Variants in NR1H4 observed in about 807,000 individuals in gnomAD.
NR1H4 encodes the protein nuclear receptor subfamily 1 group H member 4, also known as bile acid receptor.
In NR1H4, 23 loss-of-function variants were observed where a neutral mutation model predicts 58.5. The observed-to-expected ratio is 0.39, with a 90% confidence interval of 0.28 to 0.56. The LOEUF is 0.56. NR1H4 is among the 20% of genes least tolerant of loss of function. NR1H4 has a pLI of 0.58. For synonymous variants in NR1H4, 214 were observed against 198.0 expected (o/e 1.08, Z -0.68); for missense variants, 487 against 576.9 (o/e 0.84, Z 1.60).
intron 3 of NR1H4, among the ~76,000 whole-genome samples, chr12:100,499,599 G>A (rs1196551667): frequency 6.6e-6 from 1 of 152,198 alleles, no homozygotes; most frequent in Non-Finnish European, 1.5e-5. Flanking sequence ...GAAAAGGTGT[G>A]CAATGAGTCA....
intron 8 of NR1H4, among the ~76,000 whole-genome samples, chr12:100,538,786 G>A (rs542049007): frequency 5.9e-5 from 9 of 152,116 alleles, no homozygotes; most frequent in Non-Finnish European, 1.0e-4. Flanking sequence ...GTCACAGATA[G>A]ACATAAGCCT....
intron 8 of NR1H4, among the ~76,000 whole-genome samples, chr12:100,539,743 T>C (rs1037372167): frequency 6.6e-6 from 1 of 152,114 alleles, no homozygotes; most frequent in Non-Finnish European, 1.5e-5. Context: ...TACACTCCAG[T>C]AGAGGTGGCA....
intron 1 of NR1H4, among the ~76,000 whole-genome samples, chr12:100,488,507 C>A (rs984166920): frequency 6.6e-6 from 1 of 152,052 alleles, no homozygotes; most frequent in African/African-American, 2.4e-5. Context: ...ATCTTAAAGT[C>A]ATTAGAAATT....
intron 8 of NR1H4, among the ~76,000 whole-genome samples, chr12:100,539,395 C>T (rs1954886139): frequency 6.6e-6 from 1 of 152,132 alleles, no homozygotes; most frequent in Admixed American, 6.5e-5. Context: ...CTGTGCCAGG[C>T]ACTGTCCAAG....
At chr12:100,513,801 A>AAAGG (rs199813041) in intron 4 of NR1H4, among the ~76,000 whole-genome samples, 3,152 of 115,698 alleles carry the variant, frequency 0.027, 68 homozygotes, top group African/African-American at 0.035. Context: ...TCAAAGACAG[A>AAAGG]AAGGAAGGAA....
intron 4 of NR1H4, among the ~76,000 whole-genome samples, chr12:100,516,960 A>C (rs957268204): frequency 1.3e-5 from 2 of 152,208 alleles, no homozygotes; most frequent in Non-Finnish European, 2.9e-5. Flanking sequence ...GTTTTCATAC[A>C]TGTATAATTG....
intron 3 of NR1H4, chr12:100,505,704 G>T: frequency 1.6e-6 from 1 of 641,686 alleles, no homozygotes. Context: ...CCAAAATAAA[G>T]ATTCCTAAAT....
At chr12:100,535,727 T>C (rs1566464386) in intron 6 of NR1H4, among the ~76,000 whole-genome samples, 1 of 152,202 alleles carries the variant, frequency 6.6e-6, no homozygotes, top group Non-Finnish European at 1.5e-5. Flanking sequence ...AAAAAGTATT[T>C]TATATGAAAG....
intron 9 of NR1H4, among the ~76,000 whole-genome samples, chr12:100,559,729 C>T (rs1374934632): frequency 3.9e-5 from 6 of 152,256 alleles, no homozygotes; most frequent in African/African-American, 1.4e-4. Flanking sequence ...CTCCACGGCG[C>T]CCAGTCCCAT....
intron 1 of NR1H4, among the ~76,000 whole-genome samples, chr12:100,484,659 C>G (rs1376818945): frequency 2.0e-5 from 3 of 152,272 alleles, no homozygotes; most frequent in African/African-American, 7.2e-5. Flanking sequence ...TCCTTCCTTC[C>G]CATCTCTACT....
chr12:100,561,981 T>G lies in NR1H4; in HGVS notation c.1175T>G (p.Ile392Ser), dbSNP rs780638429. ...GAGGAGTATGCTCTGCTTACAGCAATTGTTATCCTGTCTCCAGGTAATTCC... is the reference window on the plus strand; with the variant it reads ...GAGGAGTATGCTCTGCTTACAGCAAGTGTTATCCTGTCTCCAGGTAATTCC... ...TQEEYALLTA[I>S]VILSPDRQYI... The change falls in exon 10 of 11, where the codon ATT becomes AGT. Residue 392 changes from isoleucine to serine, a missense_variant. Transcript: ENST00000392986. 6.6e-7 allele frequency: 1 copy of G among 1,523,746 alleles called. No individual in the cohort carries two copies. Among genetic ancestry groups the G allele is most frequent in the Non-Finnish European group, 9.1e-7 (1 of 1,097,876 alleles). 94.4% of individuals were successfully genotyped at this position (1,523,746 alleles called of 1,614,324 possible). A position where few individuals can be genotyped will look rare whatever the true frequency, so the allele number is the denominator to read the frequency against.
chr12:100,505,630 C>G (rs1296974907), intron 3 of NR1H4: 1 of 701,392 alleles, frequency 1.4e-6, no homozygotes, highest in Admixed American at 2.0e-5. Context: ...GAACTCGTCC[C>G]TAAACTTCCA....
intron 5 of NR1H4, among the ~76,000 whole-genome samples, chr12:100,533,675 C>T (rs1443808414): frequency 1.3e-5 from 2 of 152,158 alleles, no homozygotes; most frequent in Admixed American, 1.3e-4. Context: ...CCAGCTGGAG[C>T]GCTGAGGACA....
At chr12:100,548,053 A>G (rs1955118025) in intron 9 of NR1H4, among the ~76,000 whole-genome samples, 1 of 150,340 alleles carries the variant, frequency 6.7e-6, no homozygotes. Flanking sequence ...AGCACTTTAT[A>G]AACACTTGTT....
chr12:100,479,692 A>AT (rs1368559153), intron 1 of NR1H4, among the ~76,000 whole-genome samples: 2 of 152,202 alleles, frequency 1.3e-5, no homozygotes, highest in Non-Finnish European at 2.9e-5. Context: ...TTAGAAGAAA[A>AT]TCCAAACTCC....
chr12:100,522,266 A>T (rs917874532), intron 4 of NR1H4, among the ~76,000 whole-genome samples: 47 of 152,118 alleles, frequency 3.1e-4, no homozygotes, highest in African/African-American at 1.0e-3. Context: ...TAGATAATCT[A>T]TATCAAGTGA....
chr12:100,561,855 T>C (rs1955482865), intron 9 of NR1H4, 30 bp from the exon 10 acceptor site: 1 of 915,908 alleles, frequency 1.1e-6, no homozygotes, highest in Non-Finnish European at 1.8e-6. Context: ...CACTCAAAAA[T>C]TGTATTATGA....
intron 9 of NR1H4, among the ~76,000 whole-genome samples, chr12:100,555,838 A>G (rs970365968): frequency 6.6e-5 from 10 of 152,186 alleles, no homozygotes; most frequent in Non-Finnish European, 1.3e-4. Context: ...GGTTTGCTGG[A>G]AGCCAGGACT....
intron 4 of NR1H4, among the ~76,000 whole-genome samples, chr12:100,513,700 C>G (rs915109699): frequency 6.6e-6 from 1 of 152,024 alleles, no homozygotes; most frequent in Non-Finnish European, 1.5e-5. Context: ...GAGTCTGAGA[C>G]AGGAGAATTC....
Sources: allele counts gnomAD v4.1 joint callset (sites outside exome capture counted in the v4.1 genomes callset), GRCh38; gene constraint gnomAD v4.1.1; transcripts MANE v1.5; gene names NCBI Gene and HGNC (gene_info 2026-07-23, HGNC 2026-07-21).